Variants in GPR158 observed in about 807,000 individuals in gnomAD.
GPR158 encodes metabotropic glycine receptor.
In GPR158, 30 loss-of-function variants were observed where a neutral mutation model predicts 78.2. The ratio of observed to expected loss-of-function variants is 0.38; its 90% CI spans 0.29 to 0.52. The LOEUF is 0.52. Among genes scored for constraint, GPR158 ranks in the 20% least tolerant of loss-of-function variants. GPR158 has a pLI of 0.83. For missense variants in GPR158, 1,463 were observed against 1,523.5 expected, an observed-to-expected ratio of 0.96 and a Z score of 0.66; for synonymous variants, 581 against 591.1, an observed-to-expected ratio of 0.98 and a Z score of 0.25.
chr10:25,332,894 C>A (rs1855146451), intron 2 of GPR158, among the ~76,000 whole-genome samples: 1 of 152,030 alleles, frequency 6.6e-6, no homozygotes, highest in Non-Finnish European at 1.5e-5. Flanking sequence ...CTGGGTTTCC[C>A]CCAGCATTGG....
chr10:25,501,886 T>G (rs1207591990), intron 5 of GPR158, among the ~76,000 whole-genome samples: 1 of 152,110 alleles, frequency 6.6e-6, no homozygotes, highest in Non-Finnish European at 1.5e-5. Context: ...TCAACACCAG[T>G]CCCTCGTCTC....
At chr10:25,541,964 ATATAT>A (rs1372124918) in intron 5 of GPR158, among the ~76,000 whole-genome samples, 31 of 147,582 alleles carry the variant, frequency 2.1e-4, no homozygotes, top group Non-Finnish European at 1.3e-4. Context: ...ATTATATATT[ATATAT>A]TATAATTATA....
At chr10:25,547,539 A>G (rs1470639206) in intron 5 of GPR158, among the ~76,000 whole-genome samples, 1 of 152,136 alleles carries the variant, frequency 6.6e-6, no homozygotes, top group Non-Finnish European at 1.5e-5. Context: ...CTCACTTGTC[A>G]GCCCTTCCAG....
At chr10:25,548,363 G>A (rs1836690285) in intron 5 of GPR158, among the ~76,000 whole-genome samples, 1 of 152,120 alleles carries the variant, frequency 6.6e-6, no homozygotes, top group Admixed American at 6.6e-5. Flanking sequence ...AATTTGTTGA[G>A]ATGATGAGAT....
intron 2 of GPR158, among the ~76,000 whole-genome samples, chr10:25,284,851 A>T (rs1854325495): frequency 6.6e-6 from 1 of 152,140 alleles, no homozygotes; most frequent in African/African-American, 2.4e-5. Context: ...TTAAAATAAT[A>T]TACTGTTTCA....
At position 25,598,944 on chromosome 10, in the gene GPR158, GC is replaced by G. The variant is rs1291071562; in HGVS notation, c.3320del (p.Pro1107LeufsTer19). On this transcript the variant is annotated frameshift_variant, in exon 11 of 11. Coordinates refer to ENST00000376351, the MANE Select transcript of GPR158 (RefSeq NM_020752.3). LOFTEE classifies it low-confidence loss of function (END_TRUNC). The part of the protein sequence containing the change: ...ERAKEENGGQ[P>X]RAANVCAGQS... ...GGGCAAAAGAGGAGAACGGAGGTCA[GC>G]CTCGTGCAGCCAATGTGTGTGCTGG... The G allele has an allele frequency of 6.8e-6, 11 of 1,613,924 alleles. No individual in the cohort carries two copies. The Admixed American group carries it at 8.3e-5, about 12-fold the overall frequency.
intron 1 of GPR158, among the ~76,000 whole-genome samples, chr10:25,197,678 C>G (rs529930123): frequency 1.3e-5 from 2 of 152,180 alleles, no homozygotes; most frequent in African/African-American, 4.8e-5. Context: ...TTTTCTTTCT[C>G]TGACAGAACA....
rs78663173 is a variant in GPR158, at chr10:25,232,557, T to C, written c.1008+11400T>C. On this transcript the variant is annotated intron_variant, in intron 2 of 10. Coordinates refer to ENST00000376351, the MANE Select transcript of GPR158 (RefSeq NM_020752.3). Reference sequence around the variant, plus strand: ...TCTTTTTCTAAGATGAAAGGCCTTATTTCCCACCTTCTTATTTTGTTGGTA... The same window carrying C: ...TCTTTTTCTAAGATGAAAGGCCTTACTTCCCACCTTCTTATTTTGTTGGTA... 3.1e-3 allele frequency among the ~76,000 whole-genome samples: 469 copies of C among 152,336 alleles called. 2 individuals carry two copies. Among genetic ancestry groups the C allele is most frequent in the African/African-American group, 0.011 (450 of 41,584 alleles).
intron 2 of GPR158, among the ~76,000 whole-genome samples, chr10:25,395,454 A>T (rs1042095748): frequency 1.3e-5 from 2 of 152,120 alleles, no homozygotes; most frequent in African/African-American, 2.4e-5. Context: ...TATTTAATTC[A>T]TAAAAGCAAT....
At chr10:25,294,797 G>T (rs781483636) in intron 2 of GPR158, among the ~76,000 whole-genome samples, 50 of 151,870 alleles carry the variant, frequency 3.3e-4, no homozygotes, top group Non-Finnish European at 5.0e-4. Flanking sequence ...TACTCTGTTT[G>T]CCTTTTAAAA....
intron 2 of GPR158, among the ~76,000 whole-genome samples, chr10:25,253,109 G>A (rs1218026763): frequency 2.6e-5 from 4 of 152,160 alleles, no homozygotes; most frequent in South Asian, 2.1e-4. Flanking sequence ...TCTTTGACTC[G>A]GAAAGGGAAC....
chr10:25,245,772 A>G (rs1853681754), intron 2 of GPR158, among the ~76,000 whole-genome samples: 1 of 152,210 alleles, frequency 6.6e-6, no homozygotes. Flanking sequence ...TCTTTTATTA[A>G]AAATACTGAA....
At chr10:25,387,258 G>A (rs1834234655) in intron 2 of GPR158, among the ~76,000 whole-genome samples, 1 of 152,082 alleles carries the variant, frequency 6.6e-6, no homozygotes, top group African/African-American at 2.4e-5. Flanking sequence ...TCATTCTGTT[G>A]ATGTGTGTAA....
At chr10:25,530,415 G>A (rs554359925) in intron 5 of GPR158, among the ~76,000 whole-genome samples, 70 of 152,168 alleles carry the variant, frequency 4.6e-4, no homozygotes, top group Admixed American at 1.3e-3. Flanking sequence ...ATATTATTAC[G>A]GATGTAGAAT....
intron 5 of GPR158, among the ~76,000 whole-genome samples, chr10:25,528,647 T>C (rs1836383317): frequency 6.6e-6 from 1 of 152,174 alleles, no homozygotes; most frequent in African/African-American, 2.4e-5. Context: ...GAAACCTAAA[T>C]AGAGAAACAC....
At chr10:25,509,596 C>T (rs145591207) in intron 5 of GPR158, among the ~76,000 whole-genome samples, 15 of 152,308 alleles carry the variant, frequency 9.8e-5, no homozygotes, top group African/African-American at 3.1e-4. Flanking sequence ...AACATATACA[C>T]CTATGTGTAT....
At chr10:25,268,967 C>A (rs1854080120) in intron 2 of GPR158, among the ~76,000 whole-genome samples, 1 of 152,104 alleles carries the variant, frequency 6.6e-6, no homozygotes, top group Non-Finnish European at 1.5e-5. Flanking sequence ...TTGTCAATAA[C>A]CTCTTTAAGC....
intron 2 of GPR158, among the ~76,000 whole-genome samples, chr10:25,269,829 A>G (rs1429723624): frequency 6.6e-6 from 1 of 152,186 alleles, no homozygotes; most frequent in African/African-American, 2.4e-5. Context: ...CTGATATCCA[A>G]AAGTGTTCAT....
intron 2 of GPR158, among the ~76,000 whole-genome samples, chr10:25,331,859 G>A (rs985258870): frequency 6.6e-6 from 1 of 152,158 alleles, no homozygotes; most frequent in African/African-American, 2.4e-5. Context: ...GAGTGACAAT[G>A]GCAGTGTAGA....
Sources: allele counts gnomAD v4.1 joint callset (sites outside exome capture counted in the v4.1 genomes callset), GRCh38; gene constraint gnomAD v4.1.1; transcripts MANE v1.5; gene names NCBI Gene and HGNC (gene_info 2026-07-23, HGNC 2026-07-21).